CELF5: variants seen among roughly 807,000 people sequenced by gnomAD.
The protein encoded by CELF5 is CUGBP Elav-like family member 5, also known as CUG-BP and ETR-3 like factor 5.
A neutral mutation model predicts 54.9 loss-of-function variants in CELF5; 6 were observed. The observed-to-expected ratio is 0.11, with a 90% CI of 0.06 to 0.22. The LOEUF (loss-of-function observed/expected upper bound fraction) is 0.22. CELF5 is among the 10% of genes least tolerant of loss of function. The probability of loss-of-function intolerance (pLI) is 1.00; values close to 1 mark genes in which losing one functional copy is unlikely to be tolerated. For missense variants in CELF5, 401 were observed against 678.6 expected (o/e 0.59, Z 4.54); for synonymous variants, 271 against 290.9 (o/e 0.93, Z 0.70).
rs1371668999 is a variant in CELF5, at chr19:3,282,424, C to T, written c.965C>T (p.Ala322Val). ...GTGGCTCCCATCACCAATGGCTTTG[C>T]AGGTGTCGTGCCCTTTCCAGGTGGG... ...GLVAPITNGFAGVVPFPGGHP... is the reference protein window; with the variant it reads ...GLVAPITNGFVGVVPFPGGHP... The change falls in exon 8 of 13, where the codon GCA becomes GTA. Residue 322 changes from alanine (A) to valine (V), a missense_variant. Physicochemically the swap from Ala to Val is moderately conservative, Grantham distance 64. Around this residue, in one of 6 missense-constraint regions of CELF5, gnomAD observed 143 missense variants for 147.6 expected, o/e 0.97. Coordinates refer to ENST00000292672, the MANE Select transcript of CELF5 (RefSeq NM_021938.4). The surrounding 1 kb of genome is among the most constrained non-coding windows in gnomAD (Gnocchi z 5.2). 1 of 1,613,412 alleles carries T rather than the reference C, an allele frequency of 6.2e-7. No homozygotes were observed. Among genetic ancestry groups the T allele is most frequent in the African/African-American group, 1.3e-5 (1 of 75,068 alleles).
chr19:3,285,959 G>A lies in CELF5; in HGVS notation c.1120G>A (p.Ala374Thr). The change falls in exon 10 of 13, where the codon GCC becomes ACC. Residue 374 changes from alanine (A) to threonine (T), a missense_variant. By Grantham distance (58) the Ala-to-Thr change is moderately conservative. Coordinates refer to ENST00000292672, the MANE Select transcript of CELF5 (RefSeq NM_021938.4). ...QQYTAMYPTA[A>T]ITPIAHSVPQ... ...CTCCGCAGCCATGTACCCCACCGCG[G>A]CCATCACGCCCATCGCGCACAGCGT... 6.3e-7 allele frequency: 1 copy of A among 1,587,330 alleles called. No individual in the cohort carries two copies. The highest frequency in any genetic ancestry group is 8.5e-7 in the Non-Finnish European group (1 of 1,172,926).
rs111635029 is a variant in CELF5, at chr19:3,272,369, AG to A, written c.343-1502del. 5.0e-4 allele frequency among the ~76,000 whole-genome samples: 59 copies of A among 117,114 alleles called. 1 individual carries two copies. The highest frequency in any genetic ancestry group is 4.6e-3 in the Middle Eastern group (1 of 218). 76.8% of individuals were successfully genotyped at this position (117,114 alleles called of 152,430 possible). A position where few individuals can be genotyped will look rare whatever the true frequency, so the allele number is the denominator to read the frequency against. On this transcript the variant is annotated intron_variant, in intron 2 of 12. Coordinates refer to ENST00000292672, the MANE Select transcript of CELF5 (RefSeq NM_021938.4). ...GGCAACAGAGTGAGAGTCCGTCCCAAGAAAAAAAAAGAAAAAAAGAAAAGAA... is the reference window on the plus strand; with the variant it reads ...GGCAACAGAGTGAGAGTCCGTCCCAAAAAAAAAAAGAAAAAAAGAAAAGAA...
chr19:3,287,656 G>A (rs948008178), intron 10 of CELF5, among the ~76,000 whole-genome samples: 1 of 151,340 alleles, frequency 6.6e-6, no homozygotes, highest in Middle Eastern at 3.3e-3. Flanking sequence ...GGGAGGCCAC[G>A]GCAGGAGGGT....
chr19:3,281,088 C>A lies in CELF5; in HGVS notation c.604-111C>A. ...GGCCCGTGGACATGGCTGACAGCCA[C>A]TGGCATTACACCCCTCACCCAGGAG... On this transcript the variant is annotated intron_variant, in intron 5 of 12. Coordinates refer to ENST00000292672, the MANE Select transcript of CELF5 (RefSeq NM_021938.4). This position sits in a 1 kb window ranked among gnomAD's most constrained non-coding sequence, Gnocchi z 6.5. The A allele has an allele frequency of 7.6e-7, 1 of 1,309,026 alleles. No individual in the cohort carries two copies. The highest frequency in any genetic ancestry group is 1.1e-6 in the Non-Finnish European group (1 of 942,284). The allele number at this position is 1,309,026 out of a possible 1,614,324, so 81.1% of individuals were successfully genotyped here.
At chr19:3,252,471 C>T (rs1169939002) in intron 2 of CELF5, among the ~76,000 whole-genome samples, 2 of 152,132 alleles carry the variant, frequency 1.3e-5, no homozygotes, top group East Asian at 3.9e-4. Context: ...CTGAAGGAAC[C>T]ACAGTGAGCC....
chr19:3,273,378 A>T (rs2145223772), intron 2 of CELF5, among the ~76,000 whole-genome samples: 1 of 151,540 alleles, frequency 6.6e-6, no homozygotes, highest in Middle Eastern at 3.4e-3. Flanking sequence ...ACTGAGGAGG[A>T]GGGGCCTCCT....
chr19:3,263,679 T>C (rs906710751), intron 2 of CELF5, among the ~76,000 whole-genome samples: 5 of 151,638 alleles, frequency 3.3e-5, no homozygotes, highest in African/African-American at 9.7e-5. Context: ...CTGAGGCGGG[T>C]GGATCACCTG....
intron 1 of CELF5, among the ~76,000 whole-genome samples, chr19:3,233,084 AAAAATT>A (rs1007864119): frequency 1.3e-5 from 2 of 149,942 alleles, no homozygotes; most frequent in Non-Finnish European, 3.0e-5. Flanking sequence ...CAAAAAAAAT[AAAAATT>A]AAAATTAAAA....
chr19:3,249,471 G>A (rs565707069), intron 1 of CELF5, among the ~76,000 whole-genome samples: 1 of 152,236 alleles, frequency 6.6e-6, no homozygotes, highest in East Asian at 1.9e-4. Context: ...CCTCACTCTG[G>A]GCCACCAGAG....
chr19:3,244,561 T>A (rs1027007595), intron 1 of CELF5, among the ~76,000 whole-genome samples: 2 of 149,450 alleles, frequency 1.3e-5, no homozygotes, highest in African/African-American at 5.0e-5. Context: ...ATGCATTGCG[T>A]GTGATGTGTG....
chr19:3,293,604 C>T (rs2080388160), intron 12 of CELF5, 118 bp downstream of exon 12: 7 of 845,846 alleles, frequency 8.3e-6, no homozygotes, highest in Non-Finnish European at 8.9e-6. Context: ...CAAGAGGCTA[C>T]AAGAAACCTC....
intron 12 of CELF5, 183 bp downstream of exon 12, chr19:3,293,669 G>A: frequency 1.8e-6 from 1 of 561,726 alleles, no homozygotes; most frequent in East Asian, 3.1e-5. Context: ...TCCCCCTGTG[G>A]TTGGGGCTGG....
At chr19:3,259,604 C>G (rs1021587678) in intron 2 of CELF5, among the ~76,000 whole-genome samples, 1 of 152,084 alleles carries the variant, frequency 6.6e-6, no homozygotes, top group Non-Finnish European at 1.5e-5. Flanking sequence ...ACTCAGGGTG[C>G]GGATTTTAAT....
At chr19:3,251,162 CTG>C (rs772395349) in intron 2 of CELF5, 95 bp downstream of exon 2, 187 of 900,162 alleles carry the variant, frequency 2.1e-4, no homozygotes, top group Non-Finnish European at 2.8e-4. Context: ...GCTGTGAATT[CTG>C]TGTGTCTCGG....
At chr19:3,254,657 A>C (rs1231970846) in intron 2 of CELF5, among the ~76,000 whole-genome samples, 3 of 145,848 alleles carry the variant, frequency 2.1e-5, no homozygotes, top group African/African-American at 5.1e-5. Flanking sequence ...TCTATTATGC[A>C]TCCCTCCATT....
intron 1 of CELF5, among the ~76,000 whole-genome samples, chr19:3,249,561 G>A (rs2079619143): frequency 6.6e-6 from 1 of 151,210 alleles, no homozygotes; most frequent in Non-Finnish European, 1.5e-5. Context: ...CACTCTATGG[G>A]CTGGCCCCGC....
chr19:3,281,983 GT>G lies in CELF5; in HGVS notation c.751-142del, dbSNP rs1213630260. The G allele has an allele frequency of 2.6e-5, 23 of 897,842 alleles. No homozygotes were observed. The Admixed American group carries it at 3.2e-4, about 12-fold the overall frequency. 55.6% of individuals were successfully genotyped at this position (897,842 alleles called of 1,614,324 possible). ...GCTCCCAGGCTGAGCCTTGATCCCA[GT>G]CTGAGCTCCAATTCTGATCTCAGCC... On this transcript the variant is annotated intron_variant, in intron 6 of 12. Coordinates refer to ENST00000292672, the MANE Select transcript of CELF5 (RefSeq NM_021938.4). This position sits in a 1 kb window ranked among gnomAD's most constrained non-coding sequence, Gnocchi z 6.5.
At chr19:3,286,066 TCTGCCCGCCCTGTCCAC>T in intron 10 of CELF5, 41 bp downstream of exon 10, 1 of 1,484,188 alleles carries the variant, frequency 6.7e-7, no homozygotes, top group Non-Finnish European at 9.0e-7. Flanking sequence ...AGCCCCGCCC[TCTGCCCGCCCTGTCCAC>T]CTGCAGGCTC....
chr19:3,244,415 T>A (rs1208486316), intron 1 of CELF5, among the ~76,000 whole-genome samples: 1 of 146,832 alleles, frequency 6.8e-6, no homozygotes, highest in Non-Finnish European at 1.5e-5. Context: ...ATTGTGTGTA[T>A]GTGTGTGTAG....
Sources: gnomAD v4.1 joint callset for allele counts (sites outside exome capture counted in the v4.1 genomes callset) on GRCh38, gnomAD v4.1.1 for gene constraint, gnomAD v4.1.1 regional missense constraint, Gnocchi (gnomAD v3.1) non-coding constraint, MANE v1.5 for transcripts, NCBI Gene and HGNC (gene_info 2026-07-23, HGNC 2026-07-21) for gene names.